Variants in TLK1 observed in about 807,000 individuals in gnomAD.
The protein encoded by TLK1 is serine/threonine-protein kinase tousled-like 1.
A neutral mutation model predicts 105.3 loss-of-function variants in TLK1; 24 were observed. That is an observed-to-expected ratio of 0.23 (90% confidence interval 0.17 to 0.32). The LOEUF (loss-of-function observed/expected upper bound fraction) is 0.32, where lower values mean the gene tolerates loss of function less well. TLK1 is among the 10% of genes least tolerant of loss of function. TLK1 has a pLI of 1.00. For synonymous variants in TLK1, 321 were observed against 310.4 expected, an observed-to-expected ratio of 1.03 and a Z score of -0.36; for missense variants, 558 against 910.5, an observed-to-expected ratio of 0.61 and a Z score of 4.98.
intron 2 of TLK1, among the ~76,000 whole-genome samples, chr2:171,115,774 T>C (rs945329020): frequency 3.9e-5 from 6 of 152,106 alleles, no homozygotes; most frequent in Admixed American, 1.3e-4. Flanking sequence ...TTGAACAATA[T>C]ATTTCTAAGG....
At chr2:171,124,871 T>C (rs1226000307) in intron 1 of TLK1, among the ~76,000 whole-genome samples, 2 of 152,348 alleles carry the variant, frequency 1.3e-5, no homozygotes, top group South Asian at 2.1e-4. Context: ...AAACTTGGAA[T>C]TGACTCCTTG....
upstream of TLK1, among the ~76,000 whole-genome samples, chr2:171,161,118 C>G (rs1692485247): frequency 1.4e-5 from 2 of 147,388 alleles, no homozygotes; most frequent in Non-Finnish European, 3.0e-5. Context: ...ACCCGCGGAT[C>G]GCCGCGCGGC....
At chr2:171,062,772 C>T (rs1687815652) in intron 3 of TLK1, among the ~76,000 whole-genome samples, 1 of 152,154 alleles carries the variant, frequency 6.6e-6, no homozygotes, top group Non-Finnish European at 1.5e-5. Flanking sequence ...AATGAATCTA[C>T]TATACAAAAA....
At chr2:171,019,733 C>T (rs1183403288) in intron 12 of TLK1, among the ~76,000 whole-genome samples, 1 of 152,160 alleles carries the variant, frequency 6.6e-6, no homozygotes, top group Non-Finnish European at 1.5e-5. Context: ...CGTAACAACA[C>T]TACTTGATTA....
intron 11 of TLK1, among the ~76,000 whole-genome samples, chr2:171,044,507 T>C (rs1386381908): frequency 2.6e-5 from 4 of 152,168 alleles, no homozygotes; most frequent in Admixed American, 6.5e-5. Context: ...TAAGTACTGA[T>C]AGCAACTAAG....
chr2:171,003,913 C>T (rs1405923715), intron 18 of TLK1, among the ~76,000 whole-genome samples: 2 of 152,240 alleles, frequency 1.3e-5, no homozygotes, highest in East Asian at 3.9e-4. Flanking sequence ...CAAGTATCTA[C>T]ATATATTTCA....
At chr2:171,102,541 C>T (rs569644383) in intron 2 of TLK1, among the ~76,000 whole-genome samples, 2 of 152,128 alleles carry the variant, frequency 1.3e-5, no homozygotes, top group Admixed American at 6.5e-5. Context: ...AATAAACAGG[C>T]GAAACAGGCT....
intron 10 of TLK1, among the ~76,000 whole-genome samples, chr2:171,046,916 G>A (rs1412718635): frequency 6.6e-6 from 1 of 152,104 alleles, no homozygotes; most frequent in Non-Finnish European, 1.5e-5. Flanking sequence ...TTAATGTGAA[G>A]AGAGTTATTT....
chr2:171,009,490 G>C (rs890941088), intron 14 of TLK1, among the ~76,000 whole-genome samples: 2 of 151,686 alleles, frequency 1.3e-5, no homozygotes, highest in Non-Finnish European at 2.9e-5. Context: ...TGTATTTTTA[G>C]TAGAAACGGG....
chr2:171,160,408 A>G lies in TLK1; in HGVS notation c.21T>C (p.Ser7=). The G allele has an allele frequency of 6.2e-7, 1 of 1,602,910 alleles. No homozygotes were observed. The highest frequency in any genetic ancestry group is 8.5e-7 in the Non-Finnish European group (1 of 1,175,378). Residue 7 remains serine (S), a synonymous_variant, in exon 1 of 21, where the codon AGT becomes AGC. Coordinates refer to ENST00000431350, the MANE Select transcript of TLK1 (RefSeq NM_012290.5). The surrounding 1 kb of genome is among the most constrained non-coding windows in gnomAD (Gnocchi z 4.4). ...AAGATGGCGGCCCCTCCAAACTTCC[A>G]CTGCTACTTTGGACACTCATCAAGC... The part of the protein sequence containing the change: MSVQSS[S]GSLEGPPSWS...
chr2:171,196,397 G>A (rs974956894), intron 1 of TLK1, among the ~76,000 whole-genome samples: 7 of 152,264 alleles, frequency 4.6e-5, no homozygotes, highest in East Asian at 3.9e-4. Flanking sequence ...GATTACAGGC[G>A]TGAGCCACCA....
intron 1 of TLK1, among the ~76,000 whole-genome samples, chr2:171,143,175 T>C (rs1034186133): frequency 2.6e-5 from 4 of 152,142 alleles, no homozygotes; most frequent in Non-Finnish European, 4.4e-5. Context: ...GGAAATGATA[T>C]CAAATGGTAA....
chr2:171,089,534 T>C (rs192836199), intron 2 of TLK1, among the ~76,000 whole-genome samples: 4 of 152,368 alleles, frequency 2.6e-5, no homozygotes, highest in Admixed American at 2.6e-4. Context: ...CGATCAACTC[T>C]TTCCCACTGC....
At chr2:171,079,274 T>C (rs1052977735) in intron 3 of TLK1, among the ~76,000 whole-genome samples, 11 of 152,338 alleles carry the variant, frequency 7.2e-5, no homozygotes, top group South Asian at 2.1e-4. Flanking sequence ...CTATCATCTC[T>C]TCTTTGAAGG....
intron 12 of TLK1, among the ~76,000 whole-genome samples, chr2:171,017,342 A>G (rs984027716): frequency 3.3e-5 from 5 of 152,224 alleles, no homozygotes; most frequent in African/African-American, 4.8e-5. Context: ...TGACTGTCAC[A>G]TGTGTAGGAA....
At chr2:171,058,914 AACATACAT>A (rs1406643074) in intron 4 of TLK1, among the ~76,000 whole-genome samples, 1 of 152,172 alleles carries the variant, frequency 6.6e-6, no homozygotes, top group East Asian at 1.9e-4. Flanking sequence ...GCTTAATATA[AACATACAT>A]ATATTTGTTA....
At chr2:171,044,935 G>C (rs543145110) in intron 11 of TLK1, among the ~76,000 whole-genome samples, 1 of 152,288 alleles carries the variant, frequency 6.6e-6, no homozygotes, top group African/African-American at 2.4e-5. Context: ...GCAACTGGAA[G>C]ACAAGGCAGA....
chr2:171,098,153 C>T (rs1689531711), intron 2 of TLK1, among the ~76,000 whole-genome samples: 1 of 152,028 alleles, frequency 6.6e-6, no homozygotes, highest in Non-Finnish European at 1.5e-5. Context: ...GGTTCATCTA[C>T]ACTGAATAAG....
intron 1 of TLK1, among the ~76,000 whole-genome samples, chr2:171,149,122 T>C (rs1691925274): frequency 7.1e-6 from 1 of 141,120 alleles, no homozygotes; most frequent in African/African-American, 2.7e-5. Context: ...TTTTTTTTTT[T>C]TAACATTTCT....
Sources: gnomAD v4.1 joint callset for allele counts (sites outside exome capture counted in the v4.1 genomes callset) on GRCh38, gnomAD v4.1.1 for gene constraint, Gnocchi (gnomAD v3.1) non-coding constraint, MANE v1.5 for transcripts, NCBI Gene and HGNC (gene_info 2026-07-23, HGNC 2026-07-21) for gene names.